Variants in PHF24 observed in about 807,000 individuals in gnomAD.
PHF24 encodes Galpha inhibitory interacting protein.
A neutral mutation model predicts 42.6 loss-of-function variants in PHF24; 25 were observed. The observed-to-expected ratio is 0.59, with a 90% CI of 0.43 to 0.82. PHF24 has a LOEUF of 0.82. Ranked by LOEUF, PHF24 falls within the 40% of genes least tolerant of loss-of-function variation. The pLI is 0.00. For synonymous variants in PHF24, 185 were observed against 204.8 expected, an observed-to-expected ratio of 0.90 and a Z score of 0.83; for missense variants, 470 against 538.1, an observed-to-expected ratio of 0.87 and a Z score of 1.25.
At chr9:34,738,755 A>T in the PHF24 span, among the ~76,000 whole-genome samples, 2 of 152,290 alleles carry the variant, frequency 1.3e-5, no homozygotes, top group African/African-American at 4.8e-5. Flanking sequence ...GATATAAGAG[A>T]CGGGATATAG....
chr9:34,673,623 A>AT, the PHF24 span, among the ~76,000 whole-genome samples: 1,058 of 132,506 alleles, frequency 8.0e-3, 19 homozygotes, highest in South Asian at 0.046. Context: ...AGCCTGGCTA[A>AT]TTTTTTTTTT....
the PHF24 span, among the ~76,000 whole-genome samples, chr9:34,898,768 A>T: frequency 6.6e-6 from 1 of 152,160 alleles, no homozygotes; most frequent in Non-Finnish European, 1.5e-5. Context: ...CATTAGCCTG[A>T]CGTCTTGCAC....
the PHF24 span, among the ~76,000 whole-genome samples, chr9:34,795,711 G>T: frequency 6.6e-6 from 1 of 152,056 alleles, no homozygotes; most frequent in South Asian, 2.1e-4. Flanking sequence ...ATGTAGACAA[G>T]GTTGGCCAAA....
At chr9:34,935,826 GAAT>G in the PHF24 span, among the ~76,000 whole-genome samples, 99 of 151,934 alleles carry the variant, frequency 6.5e-4, 2 homozygotes, top group South Asian at 0.02. Context: ...GTACAGATAA[GAAT>G]GATGATGACA....
At chr9:34,723,871 C>T in the PHF24 span, 1 of 1,551,664 alleles carries the variant, frequency 6.4e-7, no homozygotes, top group Non-Finnish European at 8.7e-7. Context: ...GTGGAGGTAG[C>T]TGTGGGAGCT....
chr9:34,726,845 G>T, the PHF24 span: 1 of 1,551,800 alleles, frequency 6.4e-7, no homozygotes, highest in East Asian at 2.4e-5. Context: ...GCCCTGCAAT[G>T]GCCCCGATAA....
chr9:34,911,412 C>T, the PHF24 span, among the ~76,000 whole-genome samples: 1 of 152,052 alleles, frequency 6.6e-6, no homozygotes, highest in South Asian at 2.1e-4. Flanking sequence ...CGCCACCACG[C>T]CTGGATAATT....
At chr9:34,672,723 G>A in the PHF24 span, among the ~76,000 whole-genome samples, 3 of 152,258 alleles carry the variant, frequency 2.0e-5, no homozygotes, top group South Asian at 6.2e-4. Flanking sequence ...TCAAGGCAGA[G>A]CCCTCATGAC....
chr9:34,796,437 T>C, the PHF24 span, among the ~76,000 whole-genome samples: 724 of 150,716 alleles, frequency 4.8e-3, 5 homozygotes, highest in African/African-American at 0.017. Context: ...AAAAACAAGA[T>C]ATTGACTGGG....
rs1047345975 is a variant in PHF24 at position 34,971,458 on chromosome 9, G to A, written c.160G>A (p.Glu54Lys). The A allele has an allele frequency of 1.2e-6, 2 of 1,614,046 alleles. No individual in the cohort carries two copies. The highest frequency in any genetic ancestry group is 1.3e-5 in the African/African-American group (1 of 74,906). Reference sequence around the variant, plus strand: ...TGGCACTGTAGAGGGCTCCGTCCAGGAGGTACAGGAGGAGAAGGAAGCAGA... The same window carrying A: ...TGGCACTGTAGAGGGCTCCGTCCAGAAGGTACAGGAGGAGAAGGAAGCAGA... The change falls in exon 2 of 8, where the codon GAG becomes AAG. Residue 54 changes from glutamate (E) to lysine (K), a missense_variant. Physicochemically the swap from Glu to Lys is moderately conservative, Grantham distance 56. Transcript: ENST00000242315.
At chr9:34,917,172 A>G in the PHF24 span, 1 of 1,391,644 alleles carries the variant, frequency 7.2e-7, no homozygotes, top group South Asian at 1.2e-5. Flanking sequence ...AACACCTTCC[A>G]CCATGACCAC....
the PHF24 span, among the ~76,000 whole-genome samples, chr9:34,675,301 T>G: frequency 1.2e-4 from 19 of 152,128 alleles, no homozygotes; most frequent in Non-Finnish European, 1.5e-4. Flanking sequence ...GCGTCTAGCA[T>G]ACGGGGAAAA....
the PHF24 span, among the ~76,000 whole-genome samples, chr9:34,768,246 G>A: frequency 6.6e-6 from 1 of 152,242 alleles, no homozygotes; most frequent in African/African-American, 2.4e-5. Flanking sequence ...GATATTTTAG[G>A]GCTATCCCAT....
chr9:34,817,033 C>A, the PHF24 span, among the ~76,000 whole-genome samples: 3 of 152,182 alleles, frequency 2.0e-5, no homozygotes, highest in African/African-American at 7.2e-5. Context: ...AATAATAGAT[C>A]ATGAAATCAT....
chr9:34,872,777 G>A, the PHF24 span, among the ~76,000 whole-genome samples: 106 of 147,290 alleles, frequency 7.2e-4, no homozygotes, highest in African/African-American at 2.4e-3. Context: ...CTGAGGAATC[G>A]CCACACTGAC....
chr9:34,877,556 G>A, the PHF24 span, among the ~76,000 whole-genome samples: 1 of 152,038 alleles, frequency 6.6e-6, no homozygotes, highest in Non-Finnish European at 1.5e-5. Context: ...AGATAGTGGT[G>A]GTGGTCACAC....
the PHF24 span, among the ~76,000 whole-genome samples, chr9:34,748,286 C>G: frequency 2.0e-5 from 3 of 152,166 alleles, no homozygotes; most frequent in Admixed American, 6.5e-5. Context: ...TGGTTTGGAT[C>G]TGTGTTCCCA....
chr9:34,723,567 T>C, the PHF24 span: 1 of 1,551,764 alleles, frequency 6.4e-7, no homozygotes, highest in Non-Finnish European at 8.7e-7. Flanking sequence ...CCTTTTGTCT[T>C]GGGGTTAATA....
the PHF24 span, among the ~76,000 whole-genome samples, chr9:34,667,081 TAGA>T: frequency 2.6e-4 from 39 of 152,196 alleles, no homozygotes; most frequent in African/African-American, 8.9e-4. Flanking sequence ...CTGGAAGAAG[TAGA>T]AGGTGTCAAG....
Sources: gnomAD v4.1 joint callset for allele counts (sites outside exome capture counted in the v4.1 genomes callset) on GRCh38, gnomAD v4.1.1 for gene constraint, MANE v1.5 for transcripts, NCBI Gene and HGNC (gene_info 2026-07-23, HGNC 2026-07-21) for gene names.